The following RNGTT variants were observed in gnomAD, a reference collection of about 807,000 sequenced individuals.
RNGTT encodes mRNA-capping enzyme.
In RNGTT, 33 loss-of-function variants were observed where a neutral mutation model predicts 79.3. That is an observed-to-expected ratio of 0.42 (90% CI 0.32 to 0.56). The LOEUF (loss-of-function observed/expected upper bound fraction) is 0.56, where lower values mean the gene tolerates loss of function less well. Ranked by LOEUF, RNGTT falls within the 20% of genes least tolerant of loss-of-function variation. The probability of loss-of-function intolerance (pLI) is 0.17; values close to 1 mark genes in which losing one functional copy is unlikely to be tolerated. For synonymous variants in RNGTT, 222 were observed against 235.9 expected, an observed-to-expected ratio of 0.94 and a Z score of 0.54; for missense variants, 497 against 739.1, an observed-to-expected ratio of 0.67 and a Z score of 3.80.
intron 14 of RNGTT, among the ~76,000 whole-genome samples, chr6:88,654,245 A>G (rs1239152977): frequency 6.6e-6 from 1 of 152,220 alleles, no homozygotes; most frequent in Non-Finnish European, 1.5e-5. Context: ...AGGGATAAAT[A>G]CTTCATCTTT....
At chr6:88,814,242 A>G (rs117619785) in intron 11 of RNGTT, among the ~76,000 whole-genome samples, 1 of 152,312 alleles carries the variant, frequency 6.6e-6, no homozygotes, top group Non-Finnish European at 1.5e-5. Flanking sequence ...TTACCTATAT[A>G]TATCTCCAGT....
chr6:88,908,025 T>G (rs757077674), intron 4 of RNGTT, among the ~76,000 whole-genome samples: 3 of 152,182 alleles, frequency 2.0e-5, no homozygotes, highest in East Asian at 3.8e-4. Flanking sequence ...TGAGCCACAA[T>G]GCCCAGCCTG....
In RNGTT at chr6:88,963,389, C is replaced by A. The variant is rs1156982370; in HGVS notation, c.21G>T (p.Pro7=). ...GCCGGGGACAGTTCAGCCACCGCGG[C>A]GGGATCTTGTTGTGAGCCATGTCTT... is the stretch of plus-strand genomic sequence containing the variant. The part of the protein sequence containing the change: MAHNKI[P]PRWLNCPRRG... Residue 7 remains proline (P), a synonymous_variant, in exon 1 of 16, where the codon CCG becomes CCT. Coordinates refer to ENST00000369485, the MANE Select transcript of RNGTT (RefSeq NM_003800.5). 1.2e-6 allele frequency: 2 copies of A among 1,609,424 alleles called. No homozygotes were observed. The highest frequency in any genetic ancestry group is 1.7e-6 in the Non-Finnish European group (2 of 1,177,894).
intron 13 of RNGTT, among the ~76,000 whole-genome samples, chr6:88,746,302 C>T (rs9351176): frequency 0.21 from 31,812 of 152,104 alleles, 4,304 homozygotes; most frequent in African/African-American, 0.38. Context: ...TTTTCAGATA[C>T]AAGTCAGTCC....
At chr6:88,860,850 G>GT (rs1173536875) in intron 8 of RNGTT, among the ~76,000 whole-genome samples, 2 of 151,282 alleles carry the variant, frequency 1.3e-5, no homozygotes, top group South Asian at 2.1e-4. Flanking sequence ...ATGTTAATGG[G>GT]TTTTTTGTTG....
intron 13 of RNGTT, among the ~76,000 whole-genome samples, chr6:88,713,628 A>G (rs1207659967): frequency 6.6e-6 from 1 of 152,210 alleles, no homozygotes. Flanking sequence ...AAGTATATGT[A>G]CTATATTTAT....
chr6:88,710,716 C>T (rs527404512), intron 13 of RNGTT, among the ~76,000 whole-genome samples: 1 of 152,130 alleles, frequency 6.6e-6, no homozygotes, highest in East Asian at 1.9e-4. Flanking sequence ...AGGAGCATAA[C>T]AAAATGACAT....
intron 14 of RNGTT, among the ~76,000 whole-genome samples, chr6:88,662,106 C>A (rs1582294655): frequency 6.6e-6 from 1 of 152,336 alleles, no homozygotes; most frequent in Non-Finnish European, 1.5e-5. Flanking sequence ...CAAAATCTAG[C>A]ATTCCTTGTG....
intron 13 of RNGTT, among the ~76,000 whole-genome samples, chr6:88,689,005 T>C (rs1297277855): frequency 6.6e-6 from 1 of 152,244 alleles, no homozygotes; most frequent in Non-Finnish European, 1.5e-5. Flanking sequence ...GTTAATTGAC[T>C]GTGTATGTTA....
intron 13 of RNGTT, among the ~76,000 whole-genome samples, chr6:88,757,064 A>C (rs755574298): frequency 3.3e-5 from 5 of 152,234 alleles, no homozygotes; most frequent in Non-Finnish European, 1.5e-5. Flanking sequence ...ATTTCACAAA[A>C]GGACTAGTCA....
chr6:88,954,929 G>A (rs763159008), intron 1 of RNGTT, among the ~76,000 whole-genome samples: 4 of 151,884 alleles, frequency 2.6e-5, no homozygotes, highest in Admixed American at 6.6e-5. Context: ...ATGGTGGCAC[G>A]GGCTTGTAAT....
At chr6:88,642,746 A>T (rs1773371401) in intron 14 of RNGTT, among the ~76,000 whole-genome samples, 1 of 152,168 alleles carries the variant, frequency 6.6e-6, no homozygotes, top group Admixed American at 6.5e-5. Flanking sequence ...TAAAAGCAAT[A>T]TTTACTTAGT....
At chr6:88,837,719 G>A (rs9342168) in intron 11 of RNGTT, among the ~76,000 whole-genome samples, 5,725 of 152,006 alleles carry the variant, frequency 0.038, 168 homozygotes, top group African/African-American at 0.076. Flanking sequence ...AAAAAAAATA[G>A]TATTCGATCT....
chr6:88,810,806 G>C (rs570150742), intron 11 of RNGTT, among the ~76,000 whole-genome samples: 2 of 152,198 alleles, frequency 1.3e-5, no homozygotes, highest in South Asian at 4.2e-4. Context: ...TAATTCACTG[G>C]TTGATTAACA....
intron 8 of RNGTT, among the ~76,000 whole-genome samples, chr6:88,876,725 A>G (rs758815041): frequency 2.0e-5 from 3 of 152,200 alleles, no homozygotes; most frequent in Non-Finnish European, 2.9e-5. Context: ...AGGGGAAAAA[A>G]TGTTTGAAAA....
chr6:88,647,701 T>TAAAAAAAAAAAAAAAAA (rs746472579), intron 14 of RNGTT, among the ~76,000 whole-genome samples: 28 of 100,860 alleles, frequency 2.8e-4, no homozygotes, highest in South Asian at 3.5e-4. Context: ...GACACCCTGT[T>TAAAAAAAAAAAAAAAAA]AAAAAAAAAA....
intron 14 of RNGTT, among the ~76,000 whole-genome samples, chr6:88,647,067 A>C (rs1026525297): frequency 2.0e-5 from 3 of 152,040 alleles, no homozygotes; most frequent in African/African-American, 7.2e-5. Flanking sequence ...ATAAATTGAA[A>C]AATCATAAGT....
At chr6:88,929,323 A>T (rs941745171) in intron 2 of RNGTT, 56 bp from the exon 3 acceptor site, 4 of 1,108,974 alleles carry the variant, frequency 3.6e-6, no homozygotes, top group Non-Finnish European at 5.4e-6. Context: ...TTTGTTCCCA[A>T]ATAAGTAGAC....
intron 12 of RNGTT, among the ~76,000 whole-genome samples, chr6:88,773,890 TAG>T (rs1201037847): frequency 6.6e-6 from 1 of 152,154 alleles, no homozygotes; most frequent in African/African-American, 2.4e-5. Flanking sequence ...TCTGCGATCT[TAG>T]ATTTGGCAGT....
Sources: allele counts gnomAD v4.1 joint callset (sites outside exome capture counted in the v4.1 genomes callset), GRCh38; gene constraint gnomAD v4.1.1; transcripts MANE v1.5; gene names NCBI Gene and HGNC (gene_info 2026-07-23, HGNC 2026-07-21).